Variants in SLC24A2 observed in about 807,000 individuals in gnomAD.
SLC24A2 encodes sodium/potassium/calcium exchanger 2.
In SLC24A2, 36 loss-of-function variants were observed where a neutral mutation model predicts 62.0. That is an observed-to-expected ratio of 0.58 (90% confidence interval 0.44 to 0.77). The LOEUF (loss-of-function observed/expected upper bound fraction) is 0.77, where lower values mean the gene tolerates loss of function less well. Among genes scored for constraint, SLC24A2 ranks in the 30% least tolerant of loss-of-function variants. SLC24A2 has a pLI of 0.00. For missense variants in SLC24A2, 846 were observed against 817.9 expected (o/e 1.03, Z -0.42); for synonymous variants, 358 against 294.0 (o/e 1.22, Z -2.23).
At chr9:20,218,717 G>A in the SLC24A2 span, among the ~76,000 whole-genome samples, 1 of 152,126 alleles carries the variant, frequency 6.6e-6, no homozygotes, top group South Asian at 2.1e-4. Flanking sequence ...ATCTTTTAAT[G>A]CCTAGTTATG....
At chr9:19,613,053 A>C (rs1285232147) in intron 4 of SLC24A2, among the ~76,000 whole-genome samples, 1 of 152,204 alleles carries the variant, frequency 6.6e-6, no homozygotes, top group Admixed American at 6.5e-5. Context: ...ATGATGAGAT[A>C]TATAAGAGAC....
At chr9:19,548,083 G>A (rs1383613894) in intron 8 of SLC24A2, among the ~76,000 whole-genome samples, 1 of 151,582 alleles carries the variant, frequency 6.6e-6, no homozygotes, top group Admixed American at 6.6e-5. Context: ...CATACAAGGA[G>A]TCCTTTCTTG....
the SLC24A2 span, among the ~76,000 whole-genome samples, chr9:20,110,353 T>A: frequency 1.3e-5 from 2 of 152,100 alleles, no homozygotes; most frequent in Non-Finnish European, 2.9e-5. Flanking sequence ...TTCAAGAAAA[T>A]CTGTTGATAT....
At chr9:19,938,875 C>G in the SLC24A2 span, among the ~76,000 whole-genome samples, 1 of 151,600 alleles carries the variant, frequency 6.6e-6, no homozygotes, top group South Asian at 2.1e-4. Flanking sequence ...TACAGCTTGT[C>G]TTTTTGAGAC....
intron 2 of SLC24A2, among the ~76,000 whole-genome samples, chr9:19,754,823 C>A (rs1822090896): frequency 6.6e-6 from 1 of 152,098 alleles, no homozygotes; most frequent in African/African-American, 2.4e-5. Context: ...TCCTGCTCGA[C>A]AGGCAGAAGC....
chr9:19,596,159 G>C (rs1226217087), intron 5 of SLC24A2, among the ~76,000 whole-genome samples: 2 of 152,192 alleles, frequency 1.3e-5, no homozygotes, highest in African/African-American at 4.8e-5. Context: ...CTCTTGCCCG[G>C]GGTTGTCAGA....
At chr9:19,690,521 T>C (rs994313335) in intron 2 of SLC24A2, among the ~76,000 whole-genome samples, 2 of 152,142 alleles carry the variant, frequency 1.3e-5, no homozygotes. Context: ...TACTGGTGGC[T>C]TTCTTGTTTA....
At chr9:20,191,447 T>G in the SLC24A2 span, among the ~76,000 whole-genome samples, 1 of 152,036 alleles carries the variant, frequency 6.6e-6, no homozygotes, top group African/African-American at 2.4e-5. Context: ...CAGGGATAAG[T>G]ACACTATAGG....
chr9:19,904,140 A>C, the SLC24A2 span, among the ~76,000 whole-genome samples: 41 of 152,242 alleles, frequency 2.7e-4, 1 homozygote, highest in Admixed American at 2.7e-3. Context: ...AAGGACCAGC[A>C]GCATCAGCAT....
chr9:19,972,778 G>T, the SLC24A2 span, among the ~76,000 whole-genome samples: 1 of 152,124 alleles, frequency 6.6e-6, no homozygotes, highest in Non-Finnish European at 1.5e-5. Flanking sequence ...TACAATTTGG[G>T]AAGTACTATT....
the SLC24A2 span, among the ~76,000 whole-genome samples, chr9:19,996,759 A>AG: frequency 1.3e-5 from 2 of 151,756 alleles, no homozygotes; most frequent in African/African-American, 4.8e-5. Flanking sequence ...AAAAAAAAAA[A>AG]AAAAAAAAGG....
At chr9:19,986,245 G>A in the SLC24A2 span, among the ~76,000 whole-genome samples, 1 of 152,220 alleles carries the variant, frequency 6.6e-6, no homozygotes, top group South Asian at 2.1e-4. Flanking sequence ...CACCCACTAG[G>A]CTAGCTATAA....
chr9:19,642,060 T>C lies in SLC24A2; in HGVS notation c.931-19761A>G, dbSNP rs111867024. ...AGCAGTCGTTGGGAGGGAGGGGAAG[T>C]GTGTGTGAGTAGGAGTGTTAAATTC... is the stretch of plus-strand genomic sequence containing the variant. On this transcript the variant is annotated intron_variant, in intron 2 of 10. Transcript: ENST00000341998. 3.2e-3 allele frequency among the ~76,000 whole-genome samples: 489 copies of C among 151,850 alleles called. 4 individuals are homozygous for C. Among genetic ancestry groups the C allele is most frequent in the Middle Eastern group, 0.014 (4 of 294 alleles).
chr9:19,782,891 C>T (rs890214230), intron 2 of SLC24A2, among the ~76,000 whole-genome samples: 6 of 152,110 alleles, frequency 3.9e-5, no homozygotes, highest in African/African-American at 1.4e-4. Flanking sequence ...ATTACACAAC[C>T]AGGCTAAAGA....
At chr9:20,278,117 G>A in the SLC24A2 span, among the ~76,000 whole-genome samples, 6 of 152,096 alleles carry the variant, frequency 3.9e-5, no homozygotes, top group Non-Finnish European at 7.3e-5. Context: ...GATAGCATTA[G>A]GAGATATACC....
the SLC24A2 span, among the ~76,000 whole-genome samples, chr9:19,812,912 G>C: frequency 2.6e-5 from 4 of 152,298 alleles, no homozygotes; most frequent in East Asian, 7.7e-4. Context: ...TTTCAACGAA[G>C]AGCCTGATGT....
chr9:20,089,674 C>T, the SLC24A2 span, among the ~76,000 whole-genome samples: 1 of 151,934 alleles, frequency 6.6e-6, no homozygotes, highest in African/African-American at 2.4e-5. Flanking sequence ...CCAGAGGCAT[C>T]TGACAGCCCC....
chr9:19,819,226 G>C, the SLC24A2 span, among the ~76,000 whole-genome samples: 1 of 152,024 alleles, frequency 6.6e-6, no homozygotes, highest in Admixed American at 6.6e-5. Flanking sequence ...TTAAACCTAA[G>C]ACCTAAAACT....
chr9:19,517,995 A>G (rs572203553), intron 10 of SLC24A2, among the ~76,000 whole-genome samples: 8 of 151,908 alleles, frequency 5.3e-5, no homozygotes, highest in African/African-American at 9.7e-5. Flanking sequence ...TAATCGCACT[A>G]TAAATGGCTT....
Sources: allele counts gnomAD v4.1 joint callset (sites outside exome capture counted in the v4.1 genomes callset), GRCh38; gene constraint gnomAD v4.1.1; transcripts MANE v1.5; gene names NCBI Gene and HGNC (gene_info 2026-07-23, HGNC 2026-07-21).